ASPH: variants seen among roughly 807,000 people sequenced by gnomAD.
ASPH encodes aspartate beta-hydroxylase, also known as aspartyl/asparaginyl beta-hydroxylase.
A neutral mutation model predicts 118.4 loss-of-function variants in ASPH; 100 were observed. The observed-to-expected ratio is 0.84, with a 90% CI of 0.72 to 1.00. The LOEUF (loss-of-function observed/expected upper bound fraction) is 1.00, where lower values mean the gene tolerates loss of function less well. Ranked by LOEUF, ASPH falls within the 50% of genes least tolerant of loss-of-function variation. ASPH has a pLI of 0.00. For missense variants in ASPH, 920 were observed against 919.5 expected (o/e 1.00, Z -0.01); for synonymous variants, 315 against 325.6 (o/e 0.97, Z 0.35).
Position 61,521,471 on chromosome 8 carries a change from C to T in ASPH, c.1901-3348G>A, listed in dbSNP as rs1221548354. On this transcript the variant is annotated intron_variant, in intron 22 of 24. Transcript: ENST00000379454. ...TGAAGCTCAGAGATTCAGGGACATGCACACATCACACAGCTAACAAGCGGT... is the reference window on the plus strand; with the variant it reads ...TGAAGCTCAGAGATTCAGGGACATGTACACATCACACAGCTAACAAGCGGT... 2.6e-5 allele frequency among the ~76,000 whole-genome samples: 4 copies of T among 152,188 alleles called. No homozygotes were observed. In the East Asian group the frequency reaches 7.7e-4, roughly 29 times the overall value.
chr8:61,668,752 ACTGT>A (rs1181424529), intron 3 of ASPH, among the ~76,000 whole-genome samples: 2 of 152,204 alleles, frequency 1.3e-5, no homozygotes, highest in Non-Finnish European at 2.9e-5. Flanking sequence ...ACCAGTTCGC[ACTGT>A]CTTTTAAAAA....
intron 3 of ASPH, chr8:61,676,146 C>T (rs1227205648): frequency 6.3e-7 from 1 of 1,599,362 alleles, no homozygotes; most frequent in Admixed American, 1.7e-5. Context: ...GTACCATCAA[C>T]ACCATCTGCG....
intron 3 of ASPH, among the ~76,000 whole-genome samples, chr8:61,662,491 A>G (rs1445562092): frequency 6.6e-6 from 1 of 152,216 alleles, no homozygotes; most frequent in African/African-American, 2.4e-5. Context: ...AATATGAAGC[A>G]AACAATACAG....
rs1838893529 is a variant in ASPH, at chr8:61,714,427, T to C, written c.-56A>G. On this transcript the variant is annotated 5_prime_UTR_variant, in exon 1 of 25. Transcript: ENST00000379454. ...GCGGACCTCCTTCAGTGCGCGGGGG[T>C]ACACACGCGACGCGGGAACCGCTGG... 1.3e-5 allele frequency: 18 copies of C among 1,378,232 alleles called. No individual in the cohort carries two copies. Among genetic ancestry groups the C allele is most frequent in the Non-Finnish European group, 1.7e-5 (18 of 1,063,514 alleles). The allele number at this position is 1,378,232 out of a possible 1,614,324, so 85.4% of individuals were successfully genotyped here.
chr8:61,691,884 T>A (rs773672819), intron 1 of ASPH, among the ~76,000 whole-genome samples: 2 of 152,208 alleles, frequency 1.3e-5, no homozygotes, highest in Non-Finnish European at 2.9e-5. Context: ...CATAATCCCA[T>A]CTGCCCCTGC....
At chr8:61,511,372 GCA>G (rs1808761573) in intron 24 of ASPH, among the ~76,000 whole-genome samples, 1 of 152,126 alleles carries the variant, frequency 6.6e-6, no homozygotes, top group Non-Finnish European at 1.5e-5. Flanking sequence ...TAATTGGCAG[GCA>G]ATAATGCTGA....
chr8:61,549,662 CTA>C (rs1370719684), intron 20 of ASPH, among the ~76,000 whole-genome samples: 1 of 152,018 alleles, frequency 6.6e-6, no homozygotes, highest in African/African-American at 2.4e-5. Context: ...ATTAATTTGA[CTA>C]TTGTGGTTAT....
At chr8:61,571,584 T>C (rs1451694793) in intron 16 of ASPH, among the ~76,000 whole-genome samples, 3 of 152,236 alleles carry the variant, frequency 2.0e-5, no homozygotes, top group Non-Finnish European at 1.5e-5. Flanking sequence ...TTATTTTTTT[T>C]CTGAATATTT....
intron 10 of ASPH, among the ~76,000 whole-genome samples, chr8:61,640,099 G>A (rs753119750): frequency 2.6e-5 from 4 of 152,160 alleles, no homozygotes; most frequent in Non-Finnish European, 4.4e-5. Flanking sequence ...CCACTGCAGC[G>A]CCAGATCAGG....
intron 16 of ASPH, 56 bp from the exon 17 acceptor site, chr8:61,567,374 A>G: frequency 6.6e-7 from 1 of 1,520,044 alleles, no homozygotes; most frequent in Non-Finnish European, 8.9e-7. Context: ...GTTTGTAATT[A>G]CCCAAAATAT....
intron 6 of ASPH, among the ~76,000 whole-genome samples, chr8:61,646,264 T>C (rs1359701281): frequency 6.6e-6 from 1 of 152,180 alleles, no homozygotes; most frequent in African/African-American, 2.4e-5. Flanking sequence ...CAGAGTTGAG[T>C]AGCTGAACAG....
chr8:61,641,050 G>C (rs1013555907), intron 10 of ASPH, among the ~76,000 whole-genome samples: 4 of 152,138 alleles, frequency 2.6e-5, no homozygotes, highest in Admixed American at 6.6e-5. Flanking sequence ...TTAGCATATA[G>C]TGAATAATAC....
chr8:61,578,708 G>C (rs184853680), intron 15 of ASPH: 10 of 1,608,002 alleles, frequency 6.2e-6, no homozygotes, highest in African/African-American at 1.3e-5. Context: ...AGCTGGAGGC[G>C]GAGCTTGGCA....
chr8:61,607,848 C>G (rs1248331868), intron 14 of ASPH, among the ~76,000 whole-genome samples: 7 of 152,090 alleles, frequency 4.6e-5, no homozygotes, highest in Non-Finnish European at 1.0e-4. Context: ...ATGACATGTC[C>G]CCACATACAT....
chr8:61,548,221 A>G lies in ASPH; in HGVS notation c.1627-13T>C. 6.2e-7 allele frequency: 1 copy of G among 1,610,604 alleles called. No individual in the cohort carries two copies. The highest frequency in any genetic ancestry group is 8.5e-7 in the Non-Finnish European group (1 of 1,178,368). On this transcript the variant is annotated splice_polypyrimidine_tract_variant and intron_variant, in intron 20 of 24. Coordinates refer to ENST00000379454, the MANE Select transcript of ASPH (RefSeq NM_004318.4). ...ACCACTTATATGCCTGAAGGAACAG[A>G]AAGAATGTGCTCCAAACTGTTCCTT...
chr8:61,578,084 A>G, intron 15 of ASPH: 1 of 966,392 alleles, frequency 1.0e-6, no homozygotes, highest in Non-Finnish European at 1.5e-6. Flanking sequence ...AGTTACTTCT[A>G]AGATACAATG....
intron 14 of ASPH, among the ~76,000 whole-genome samples, chr8:61,590,550 CTGTGTGTGTGTGTGTG>C (rs5891814): frequency 1.2e-4 from 17 of 146,696 alleles, no homozygotes; most frequent in Non-Finnish European, 2.4e-4. Context: ...TAATTTAACT[CTGTGTGTGTGTGTGTG>C]TGTGTGTGTG....
chr8:61,509,771 G>A (rs984535753), intron 24 of ASPH, among the ~76,000 whole-genome samples: 2 of 152,068 alleles, frequency 1.3e-5, no homozygotes, highest in Admixed American at 6.5e-5. Flanking sequence ...CAGGGTAGGG[G>A]CACAGAGAGA....
chr8:61,680,130 T>C (rs1827323409), intron 3 of ASPH, among the ~76,000 whole-genome samples: 1 of 151,726 alleles, frequency 6.6e-6, no homozygotes, highest in Non-Finnish European at 1.5e-5. Flanking sequence ...ATCTAATAAA[T>C]ATACACAAAA....
Sources: allele counts gnomAD v4.1 joint callset (sites outside exome capture counted in the v4.1 genomes callset), GRCh38; gene constraint gnomAD v4.1.1; transcripts MANE v1.5; gene names NCBI Gene and HGNC (gene_info 2026-07-23, HGNC 2026-07-21).